Variants in SDK2 observed in about 807,000 individuals in gnomAD.
SDK2 encodes the protein protein sidekick-2.
Under a neutral mutation model 253.9 loss-of-function variants are expected in SDK2, and 105 were observed. That is an observed-to-expected ratio of 0.41 (90% confidence interval 0.35 to 0.49). The LOEUF (loss-of-function observed/expected upper bound fraction) is 0.49, where lower values mean the gene tolerates loss of function less well. Among genes scored for constraint, SDK2 ranks in the 20% least tolerant of loss-of-function variants. SDK2 has a pLI of 0.06. For synonymous variants in SDK2, 1,249 were observed against 1,234.9 expected, an observed-to-expected ratio of 1.01 and a Z score of -0.24; for missense variants, 2,608 against 3,003.0, an observed-to-expected ratio of 0.87 and a Z score of 3.07.
rs1391728493 is a variant in SDK2 at position 73,357,920 on chromosome 17, A to G, written c.5593+159T>C. ...GGAGTCCAGCTCTAGGAGCCCCCCAACCCAGTTTCCCACTCCTCAACAGGG... is the reference window on the plus strand; with the variant it reads ...GGAGTCCAGCTCTAGGAGCCCCCCAGCCCAGTTTCCCACTCCTCAACAGGG... On this transcript the variant is annotated intron_variant, in intron 40 of 44. Transcript: ENST00000392650. 8 of 1,139,502 alleles carry G rather than the reference A, an allele frequency of 7.0e-6. No homozygotes were observed. In the African/African-American group the frequency reaches 9.1e-5, roughly 13 times the overall value. 70.6% of individuals were successfully genotyped at this position (1,139,502 alleles called of 1,614,324 possible).
intron 3 of SDK2, among the ~76,000 whole-genome samples, chr17:73,458,520 T>C (rs1402110902): frequency 1.3e-5 from 2 of 152,234 alleles, no homozygotes; most frequent in Non-Finnish European, 2.9e-5. Flanking sequence ...TTTCCAGCCA[T>C]GCTGGCCCCT....
At chr17:73,424,932 AG>A (rs2063267479) in intron 12 of SDK2, among the ~76,000 whole-genome samples, 1 of 152,266 alleles carries the variant, frequency 6.6e-6, no homozygotes, top group Non-Finnish European at 1.5e-5. Context: ...TTTCAAAAGC[AG>A]AACCAGGCTG....
At chr17:73,401,316 G>T (rs1487020104) in intron 20 of SDK2, 105 bp from the exon 21 acceptor site, 2 of 1,105,614 alleles carry the variant, frequency 1.8e-6, no homozygotes, top group African/African-American at 1.6e-5. Context: ...TTAGATCCAC[G>T]CTGGGAGCAA....
intron 1 of SDK2, among the ~76,000 whole-genome samples, chr17:73,576,011 C>G (rs78679736): frequency 0.013 from 1,955 of 152,290 alleles, 47 homozygotes; most frequent in African/African-American, 0.038. Context: ...GCAAAAGACA[C>G]GCCTGTGGTG....
At chr17:73,409,695 A>G (rs373012153) in intron 18 of SDK2, among the ~76,000 whole-genome samples, 9 of 152,220 alleles carry the variant, frequency 5.9e-5, no homozygotes, top group Admixed American at 5.9e-4. Flanking sequence ...GAGGTATACA[A>G]GGGACAAACA....
chr17:73,600,813 C>A (rs966379719), intron 1 of SDK2, among the ~76,000 whole-genome samples: 1 of 152,122 alleles, frequency 6.6e-6, no homozygotes, highest in African/African-American at 2.4e-5. Context: ...TTTCCCTGTC[C>A]TTGGAGCAGC....
At chr17:73,429,509 G>A (rs1159217981) in intron 12 of SDK2, among the ~76,000 whole-genome samples, 1 of 152,168 alleles carries the variant, frequency 6.6e-6, no homozygotes, top group Non-Finnish European at 1.5e-5. Context: ...TGGGCTCCCC[G>A]GAGTCTCATT....
chr17:73,423,155 G>C (rs1459081001), intron 14 of SDK2, among the ~76,000 whole-genome samples: 1 of 152,194 alleles, frequency 6.6e-6, no homozygotes, highest in East Asian at 1.9e-4. Flanking sequence ...CTTCTGCTGT[G>C]CCAGGCCCTG....
chr17:73,515,957 T>G (rs2064023062), intron 1 of SDK2, among the ~76,000 whole-genome samples: 2 of 152,164 alleles, frequency 1.3e-5, no homozygotes, highest in Non-Finnish European at 2.9e-5. Flanking sequence ...GAGGTGCCCC[T>G]TTCTGTCACA....
rs761727474 is a variant in SDK2 at position 73,350,809 on chromosome 17, G to T, written c.5759-19C>A. The T allele has an allele frequency of 1.3e-6, 2 of 1,588,898 alleles. No individual in the cohort carries two copies. The highest frequency in any genetic ancestry group is 1.7e-6 in the Non-Finnish European group (2 of 1,169,774). On this transcript the variant is annotated intron_variant, in intron 41 of 44. Coordinates refer to ENST00000392650, the MANE Select transcript of SDK2 (RefSeq NM_001144952.2). Reference sequence around the variant, plus strand: ...TTCTGGGCTGGAGCACAGATAGTCAGGTATATAGGGTGCTCAGCCCCCTCC... The same window carrying T: ...TTCTGGGCTGGAGCACAGATAGTCATGTATATAGGGTGCTCAGCCCCCTCC...
intron 8 of SDK2, among the ~76,000 whole-genome samples, chr17:73,436,889 T>C (rs1379500496): frequency 6.6e-6 from 1 of 152,210 alleles, no homozygotes. Flanking sequence ...TTAGATGAGA[T>C]GAAATAAGTT....
intron 1 of SDK2, among the ~76,000 whole-genome samples, chr17:73,598,701 G>C (rs1172815096): frequency 6.6e-6 from 1 of 152,174 alleles, no homozygotes; most frequent in African/African-American, 2.4e-5. Context: ...GTCCCACCGG[G>C]AGCAGCCCAT....
chr17:73,419,315 C>A lies in SDK2; in HGVS notation c.2046-9G>T, dbSNP rs1451686280. ...CCTCGGGGAGGGAGACCCTGGATCA[C>A]AAAACACCAATGCTCTTAGTCTTGG... On this transcript the variant is annotated splice_polypyrimidine_tract_variant and intron_variant, in intron 15 of 44. Transcript: ENST00000392650. 6.2e-6 allele frequency: 10 copies of A among 1,610,034 alleles called. No homozygotes were observed. Among genetic ancestry groups the A allele is most frequent in the African/African-American group, 1.3e-5 (1 of 74,848 alleles).
intron 2 of SDK2, among the ~76,000 whole-genome samples, chr17:73,485,727 A>G (rs906801682): frequency 2.0e-5 from 3 of 152,230 alleles, no homozygotes; most frequent in African/African-American, 4.8e-5. Context: ...TTCTGTATCC[A>G]TAAATAGTTT....
chr17:73,385,782 C>T (rs928304140), intron 32 of SDK2, 65 bp downstream of exon 32: 8 of 1,459,122 alleles, frequency 5.5e-6, no homozygotes, highest in Non-Finnish European at 7.5e-6. Flanking sequence ...GGACTGCTGG[C>T]TTTCCAGTCC....
At chr17:73,355,174 A>ATATATATATATATATATATATTTTTTTTT in intron 40 of SDK2, among the ~76,000 whole-genome samples, 2 of 47,232 alleles carry the variant, frequency 4.2e-5, no homozygotes, top group South Asian at 1.8e-3. Flanking sequence ...ATATATATAT[A>ATATATATATATATATATATATTTTTTTTT]TTTTTTTTTT....
At chr17:73,542,450 A>G (rs2044884435) in intron 1 of SDK2, among the ~76,000 whole-genome samples, 1 of 152,136 alleles carries the variant, frequency 6.6e-6, no homozygotes, top group Non-Finnish European at 1.5e-5. Flanking sequence ...GCTCAGCAGG[A>G]ATGAGGGAAA....
chr17:73,368,393 G>A lies in SDK2; in HGVS notation c.5167+14C>T, dbSNP rs752249041. ...CCGACCTACCCCTCCCCTCCTCAGG[G>A]CCCCCTCTCCCACCTGCTTGCTGGG... On this transcript the variant is annotated intron_variant, in intron 37 of 44. Coordinates refer to ENST00000392650, the MANE Select transcript of SDK2 (RefSeq NM_001144952.2). The A allele has an allele frequency of 1.3e-6, 2 of 1,496,866 alleles. No individual in the cohort carries two copies. The highest frequency in any genetic ancestry group is 2.5e-5 in the East Asian group (1 of 40,388). The allele number at this position is 1,496,866 out of a possible 1,614,324, so 92.7% of individuals were successfully genotyped here. A position where few individuals can be genotyped will look rare whatever the true frequency, so the allele number is the denominator to read the frequency against.
At chr17:73,401,554 A>G (rs2063026136) in intron 20 of SDK2, 100 bp downstream of exon 20, 4 of 1,149,590 alleles carry the variant, frequency 3.5e-6, no homozygotes, top group Non-Finnish European at 5.1e-6. Flanking sequence ...GTTGGCTTCA[A>G]GAGTTTGGGT....
Sources: allele counts gnomAD v4.1 joint callset (sites outside exome capture counted in the v4.1 genomes callset), GRCh38; gene constraint gnomAD v4.1.1; transcripts MANE v1.5; gene names NCBI Gene and HGNC (gene_info 2026-07-23, HGNC 2026-07-21).